The following DAB1 variants were observed in gnomAD, a reference collection of about 807,000 sequenced individuals.
DAB1 encodes disabled homolog 1.
A neutral mutation model predicts 64.6 loss-of-function variants in DAB1; 15 were observed. The observed-to-expected ratio is 0.23, with a 90% CI of 0.16 to 0.36. DAB1 has a LOEUF of 0.36. Among genes scored for constraint, DAB1 ranks in the 10% least tolerant of loss-of-function variants. The pLI, the probability that DAB1 is intolerant of heterozygous loss-of-function variation, is 1.00. For missense variants in DAB1, 596 were observed against 706.7 expected, an observed-to-expected ratio of 0.84 and a Z score of 1.78; for synonymous variants, 235 against 251.9, an observed-to-expected ratio of 0.93 and a Z score of 0.64.
intron 4 of DAB1, among the ~76,000 whole-genome samples, chr1:58,300,384 G>A (rs1569619037): frequency 6.6e-6 from 1 of 151,390 alleles, no homozygotes; most frequent in East Asian, 2.0e-4. Flanking sequence ...CGTCTCTACT[G>A]AAAATACAAA....
At chr1:58,049,853 A>C (rs2100524769) in intron 5 of DAB1, among the ~76,000 whole-genome samples, 1 of 152,250 alleles carries the variant, frequency 6.6e-6, no homozygotes, top group African/African-American at 2.4e-5. Context: ...AGTGAACAAA[A>C]TAGAATCCAC....
chr1:58,010,609 G>A (rs1222579491), intron 5 of DAB1, among the ~76,000 whole-genome samples: 2 of 152,134 alleles, frequency 1.3e-5, no homozygotes, highest in African/African-American at 4.8e-5. Context: ...TCCCATTTCA[G>A]TTTCTTTATA....
chr1:58,478,216 T>C (rs1227038385), intron 3 of DAB1, among the ~76,000 whole-genome samples: 3 of 152,148 alleles, frequency 2.0e-5, no homozygotes, highest in Non-Finnish European at 4.4e-5. Flanking sequence ...TCTTACTCAC[T>C]CTCTCTTGCC....
At chr1:57,157,208 T>G (rs1660309003) in intron 2 of DAB1, among the ~76,000 whole-genome samples, 1 of 151,584 alleles carries the variant, frequency 6.6e-6, no homozygotes, top group African/African-American at 2.4e-5. Flanking sequence ...AGATAAGTAT[T>G]TTTTTTTCCT....
chr1:57,559,470 G>A (rs1645026751), intron 7 of DAB1, among the ~76,000 whole-genome samples: 1 of 152,134 alleles, frequency 6.6e-6, no homozygotes. Context: ...TTTTAACCAG[G>A]GTAACTGTGC....
In DAB1 at chr1:57,590,026, A is replaced by G. The variant is rs373487811; in HGVS notation, n.625+59566T>C. 5.3e-5 allele frequency among the ~76,000 whole-genome samples: 8 copies of G among 152,296 alleles called. No individual in the cohort carries two copies. The South Asian group carries it at 1.2e-3, about 24-fold the overall frequency. ...ATTATATACTATTTTAGTTTGCTAG[A>G]GATATCATAAAAAATAACCCAGACT... On this transcript the variant is annotated intron_variant and non_coding_transcript_variant, in intron 7 of 20. Transcript: ENST00000485760.
chr1:57,000,390 A>G (rs964866193), intron 14 of DAB1, among the ~76,000 whole-genome samples: 5 of 152,062 alleles, frequency 3.3e-5, no homozygotes, highest in Non-Finnish European at 7.4e-5. Context: ...TAGGTCCTCA[A>G]TGAGAGTCTG....
intron 1 of DAB1, among the ~76,000 whole-genome samples, chr1:57,356,678 T>C (rs1452303695): frequency 1.3e-5 from 2 of 152,080 alleles, no homozygotes; most frequent in Non-Finnish European, 2.9e-5. Context: ...GAAAATATAA[T>C]GTGCTTTTCA....
At chr1:58,194,905 G>A (rs1657590420) in intron 4 of DAB1, among the ~76,000 whole-genome samples, 1 of 152,188 alleles carries the variant, frequency 6.6e-6, no homozygotes, top group Non-Finnish European at 1.5e-5. Flanking sequence ...TGTTCAACCC[G>A]TGGCCATACT....
rs139093449 is a variant in DAB1, at chr1:57,726,026, T to C, written n.552-76361A>G. On this transcript the variant is annotated intron_variant and non_coding_transcript_variant, in intron 6 of 20. Coordinates refer to the DAB1 transcript ENST00000485760. The stretch of plus-strand genomic sequence containing the variant: ...GCCTCAGCTTCCCAAAGTGCTGGGA[T>C]TACAGGTGGGAGCCACCGTGCCCGG... Among the ~76,000 whole-genome samples the C allele has an allele frequency of 1.1e-3, 172 of 152,306 alleles. 2 individuals are homozygous for C. The East Asian group carries it at 0.03, about 26-fold the overall frequency.
intron 5 of DAB1, among the ~76,000 whole-genome samples, chr1:57,935,797 C>G (rs1220196071): frequency 6.6e-6 from 1 of 152,198 alleles, no homozygotes; most frequent in Admixed American, 6.5e-5. Flanking sequence ...ACAGATTCTT[C>G]CTGGAAGCTC....
intron 3 of DAB1, among the ~76,000 whole-genome samples, chr1:58,480,161 CT>C (rs1645459505): frequency 6.6e-6 from 1 of 152,130 alleles, no homozygotes; most frequent in African/African-American, 2.4e-5. Context: ...CTCCAGTCGT[CT>C]TGTTGATATC....
intron 6 of DAB1, among the ~76,000 whole-genome samples, chr1:57,794,187 G>T (rs1421976677): frequency 6.6e-6 from 1 of 152,208 alleles, no homozygotes; most frequent in African/African-American, 2.4e-5. Flanking sequence ...GATTTGGGTT[G>T]CTGGTTGCTT....
Position 58,339,656 on chromosome 1 carries a change from G to A in DAB1, n.309+3696C>T, listed in dbSNP as rs144511168. ...GGACGATATGATTGCTCACCTTCTG[G>A]AGCCAGCTTAATCTTTCTCTTTTTT... On this transcript the variant is annotated intron_variant and non_coding_transcript_variant, in intron 4 of 20. Coordinates refer to the DAB1 transcript ENST00000485760. Among the ~76,000 whole-genome samples the A allele has an allele frequency of 4.3e-3, 660 of 152,146 alleles. 1 individual carries two copies. Among genetic ancestry groups the A allele is most frequent in the Middle Eastern group, 0.01 (3 of 294 alleles).
intron 4 of DAB1, among the ~76,000 whole-genome samples, chr1:57,082,703 AGT>A (rs1449074418): frequency 2.0e-5 from 3 of 151,882 alleles, no homozygotes; most frequent in African/African-American, 4.8e-5. Flanking sequence ...AACAGGCCCC[AGT>A]GTGTGTTGTT....
At chr1:58,433,497 G>A (rs1283775198) in intron 3 of DAB1, among the ~76,000 whole-genome samples, 2 of 151,918 alleles carry the variant, frequency 1.3e-5, no homozygotes, top group Admixed American at 1.3e-4. Flanking sequence ...GATGACACCA[G>A]CTTCTGGCAA....
intron 3 of DAB1, among the ~76,000 whole-genome samples, chr1:58,450,230 G>A (rs891578418): frequency 6.6e-6 from 1 of 152,184 alleles, no homozygotes; most frequent in Non-Finnish European, 1.5e-5. Context: ...TCAAGTAAGA[G>A]CAAACTGTTG....
intron 3 of DAB1, among the ~76,000 whole-genome samples, chr1:58,473,067 G>A (rs1033467194): frequency 1.2e-4 from 19 of 152,126 alleles, no homozygotes; most frequent in African/African-American, 3.6e-4. Flanking sequence ...ACATTTCCCC[G>A]CACCACACTG....
chr1:58,252,498 G>C (rs1047091646), intron 4 of DAB1, among the ~76,000 whole-genome samples: 30 of 152,296 alleles, frequency 2.0e-4, no homozygotes, highest in African/African-American at 6.3e-4. Context: ...TGTAGAGCCA[G>C]AGATGGCAAG....
Sources: gnomAD v4.1 joint callset for allele counts (sites outside exome capture counted in the v4.1 genomes callset) on GRCh38, gnomAD v4.1.1 for gene constraint, MANE v1.5 for transcripts, NCBI Gene and HGNC (gene_info 2026-07-23, HGNC 2026-07-21) for gene names.